IGF2BP3: variants seen among roughly 807,000 people sequenced by gnomAD.
IGF2BP3 encodes insulin-like growth factor 2 mRNA-binding protein 3.
A neutral mutation model predicts 73.8 loss-of-function variants in IGF2BP3; 9 were observed. The observed-to-expected ratio is 0.12, with a 90% CI of 0.07 to 0.21. The LOEUF is 0.21. Ranked by LOEUF, IGF2BP3 falls within the 10% of genes least tolerant of loss-of-function variation. The pLI is 1.00. For missense variants in IGF2BP3, 542 were observed against 714.0 expected (o/e 0.76, Z 2.75); for synonymous variants, 258 against 256.7 (o/e 1.01, Z -0.05).
chr7:23,404,146 GA>G (rs957268282), intron 3 of IGF2BP3, among the ~76,000 whole-genome samples: 117 of 132,940 alleles, frequency 8.8e-4, no homozygotes, highest in South Asian at 1.2e-3. Context: ...AAATCAAATG[GA>G]AAAAAAAAAA....
At chr7:23,330,738 C>T (rs996642893) in intron 10 of IGF2BP3, among the ~76,000 whole-genome samples, 11 of 151,976 alleles carry the variant, frequency 7.2e-5, no homozygotes, top group African/African-American at 2.4e-4. Flanking sequence ...TTCTTTATAG[C>T]GGTGTGAAAA....
intron 2 of IGF2BP3, among the ~76,000 whole-genome samples, chr7:23,465,531 C>CCA (rs1554338691): frequency 6.7e-6 from 1 of 148,304 alleles, no homozygotes; most frequent in East Asian, 1.9e-4. Context: ...GGTCCCCCCC[C>CCA]AAGCTCCACT....
intron 5 of IGF2BP3, among the ~76,000 whole-genome samples, chr7:23,352,525 G>A (rs1366178619): frequency 6.6e-6 from 1 of 152,088 alleles, no homozygotes; most frequent in African/African-American, 2.4e-5. Context: ...CTGACCTCAA[G>A]TGATCTGCTG....
intron 3 of IGF2BP3, among the ~76,000 whole-genome samples, chr7:23,395,618 GA>G (rs945518165): frequency 1.1e-4 from 17 of 148,460 alleles, no homozygotes; most frequent in African/African-American, 4.2e-4. Context: ...CCCAAAAAAA[GA>G]AAAAAATTAA....
chr7:23,433,825 A>T (rs1787745716), intron 2 of IGF2BP3, among the ~76,000 whole-genome samples: 2 of 152,224 alleles, frequency 1.3e-5, no homozygotes, highest in African/African-American at 4.8e-5. Flanking sequence ...CTATAAACCC[A>T]GCACTTTGGG....
At chr7:23,432,325 T>C (rs1787704155) in intron 2 of IGF2BP3, among the ~76,000 whole-genome samples, 1 of 152,226 alleles carries the variant, frequency 6.6e-6, no homozygotes, top group Non-Finnish European at 1.5e-5. Flanking sequence ...GTCTTTCTTT[T>C]AGAAGATTAA....
intron 2 of IGF2BP3, among the ~76,000 whole-genome samples, chr7:23,456,737 A>G (rs1420073961): frequency 6.6e-6 from 1 of 151,726 alleles, no homozygotes; most frequent in Non-Finnish European, 1.5e-5. Context: ...ACTTATAACT[A>G]ATTATGTCAA....
At chr7:23,455,515 C>A (rs574000189) in intron 2 of IGF2BP3, among the ~76,000 whole-genome samples, 1 of 152,180 alleles carries the variant, frequency 6.6e-6, no homozygotes, top group South Asian at 2.1e-4. Context: ...CTCACATATA[C>A]CCTATGACAT....
chr7:23,361,883 G>C, intron 3 of IGF2BP3, 142 bp from the exon 4 acceptor site: 3 of 641,468 alleles, frequency 4.7e-6, no homozygotes, highest in Non-Finnish European at 8.1e-6. Flanking sequence ...CAGAACTAAG[G>C]GATGGATACC....
At chr7:23,330,075 A>T (rs1368195464) in intron 10 of IGF2BP3, among the ~76,000 whole-genome samples, 2 of 152,050 alleles carry the variant, frequency 1.3e-5, no homozygotes, top group Non-Finnish European at 2.9e-5. Flanking sequence ...TCACAAGGTC[A>T]GGAGTTCGAC....
At position 23,448,238 on chromosome 7, in the gene IGF2BP3, A is replaced by C. The variant is rs193149629; in HGVS notation, c.236+20244T>G. 1.7e-3 allele frequency among the ~76,000 whole-genome samples: 262 copies of C among 152,322 alleles called. 3 individuals carry two copies. The highest frequency in any genetic ancestry group is 6.7e-3 in the Admixed American group (102 of 15,300). On this transcript the variant is annotated intron_variant, in intron 2 of 14. Transcript: ENST00000258729. ...TTAAAGTTTTAGGAATAACAGAAGG[A>C]AACAAATGCTATTCATTTCCTTAGG...
At chr7:23,370,017 G>T (rs1362102967) in intron 3 of IGF2BP3, among the ~76,000 whole-genome samples, 1 of 152,150 alleles carries the variant, frequency 6.6e-6, no homozygotes, top group Non-Finnish European at 1.5e-5. Flanking sequence ...CTACCCTTCT[G>T]TGGTTTCAAA....
At chr7:23,446,423 C>T (rs1219899708) in intron 2 of IGF2BP3, among the ~76,000 whole-genome samples, 2 of 151,762 alleles carry the variant, frequency 1.3e-5, no homozygotes, top group East Asian at 3.9e-4. Flanking sequence ...ATTAGCTGGG[C>T]ATGGTGGCGG....
chr7:23,384,146 T>C (rs1056205547), intron 3 of IGF2BP3, among the ~76,000 whole-genome samples: 2 of 145,304 alleles, frequency 1.4e-5, no homozygotes, highest in East Asian at 2.0e-4. Flanking sequence ...GGCAACAACA[T>C]TGAAGAACCT....
At chr7:23,329,192 G>A (rs1190861109) in intron 10 of IGF2BP3, among the ~76,000 whole-genome samples, 5 of 150,124 alleles carry the variant, frequency 3.3e-5, no homozygotes, top group African/African-American at 7.4e-5. Context: ...CAGCCTGGGC[G>A]ACAGAGCAAG....
chr7:23,351,863 G>C (rs1248016248), intron 5 of IGF2BP3, among the ~76,000 whole-genome samples: 1 of 152,008 alleles, frequency 6.6e-6, no homozygotes, highest in Non-Finnish European at 1.5e-5. Context: ...ATGAAAAATA[G>C]AAAAACAAAA....
chr7:23,347,355 C>A (rs1784854109), intron 7 of IGF2BP3, among the ~76,000 whole-genome samples: 1 of 152,120 alleles, frequency 6.6e-6, no homozygotes, highest in Non-Finnish European at 1.5e-5. Context: ...CCCCAAGTTG[C>A]CTTCTTCTAT....
chr7:23,361,791 T>A (rs775666235), intron 3 of IGF2BP3, 50 bp from the exon 4 acceptor site: 2 of 1,492,554 alleles, frequency 1.3e-6, no homozygotes, highest in Non-Finnish European at 1.8e-6. Flanking sequence ...CCCAAGTTAT[T>A]ATCAAGGGCA....
chr7:23,440,753 C>T (rs757127550), intron 2 of IGF2BP3, among the ~76,000 whole-genome samples: 8 of 152,172 alleles, frequency 5.3e-5, no homozygotes, highest in Non-Finnish European at 8.8e-5. Flanking sequence ...TATTTTTACG[C>T]AGGCTCTACT....
Sources: gnomAD v4.1 joint callset for allele counts (sites outside exome capture counted in the v4.1 genomes callset) on GRCh38, gnomAD v4.1.1 for gene constraint, MANE v1.5 for transcripts, NCBI Gene and HGNC (gene_info 2026-07-23, HGNC 2026-07-21) for gene names.